NHSL1: variants seen among roughly 807,000 people sequenced by gnomAD.
The protein encoded by NHSL1 is NHS like 1.
A neutral mutation model predicts 95.0 loss-of-function variants in NHSL1; 48 were observed. That is an observed-to-expected ratio of 0.51 (90% CI 0.40 to 0.64). The LOEUF is 0.64. Ranked by LOEUF, NHSL1 falls within the 30% of genes least tolerant of loss-of-function variation. The probability of loss-of-function intolerance (pLI) is 0.00; values close to 1 mark genes in which losing one functional copy is unlikely to be tolerated. For synonymous variants in NHSL1, 783 were observed against 833.9 expected (o/e 0.94, Z 1.05); for missense variants, 1,971 against 2,077.7 (o/e 0.95, Z 1.00).
intron 1 of NHSL1, among the ~76,000 whole-genome samples, chr6:138,541,049 A>G (rs1782559164): frequency 6.6e-6 from 1 of 152,196 alleles, no homozygotes; most frequent in African/African-American, 2.4e-5. Context: ...ACAGAAGGAT[A>G]TATGTATGCA....
At chr6:138,437,361 T>TATATATATATACAC (rs1349950748) in intron 5 of NHSL1, among the ~76,000 whole-genome samples, 3 of 54,070 alleles carry the variant, frequency 5.5e-5, no homozygotes, top group Non-Finnish European at 9.4e-5. Flanking sequence ...TATATACACA[T>TATATATATATACAC]ATATATATAT....
At position 138,457,605 on chromosome 6, in the gene NHSL1, T is replaced by C. The variant is rs529515560; in HGVS notation, c.340-10412A>G. On this transcript the variant is annotated intron_variant, in intron 3 of 7. Transcript: ENST00000343505. Reference sequence around the variant, plus strand: ...TAAGAAATACCTCTTTTAAAGTCAATAATTTGTTAACTCATGCATCCCTTC... The same window carrying C: ...TAAGAAATACCTCTTTTAAAGTCAACAATTTGTTAACTCATGCATCCCTTC... 9.8e-4 allele frequency among the ~76,000 whole-genome samples: 149 copies of C among 152,304 alleles called. 3 individuals are homozygous for C. In the South Asian group the frequency reaches 0.029, roughly 30 times the overall value.
At chr6:138,463,504 C>CTT (rs61234570) in intron 3 of NHSL1, among the ~76,000 whole-genome samples, 22 of 129,362 alleles carry the variant, frequency 1.7e-4, no homozygotes, top group Admixed American at 4.6e-4. Context: ...GTGCGATGTT[C>CTT]TTTTTTTTTT....
chr6:138,537,903 C>T (rs1050622606), intron 1 of NHSL1, among the ~76,000 whole-genome samples: 5 of 151,990 alleles, frequency 3.3e-5, no homozygotes, highest in Admixed American at 6.6e-5. Flanking sequence ...TCCAGGCCGG[C>T]GAGAAGTCCA....
intron 1 of NHSL1, among the ~76,000 whole-genome samples, chr6:138,651,528 C>T (rs1785093309): frequency 6.6e-6 from 1 of 152,200 alleles, no homozygotes; most frequent in Non-Finnish European, 1.5e-5. Flanking sequence ...TAACCCTAAC[C>T]TTGTCTCCTC....
chr6:138,642,840 G>T (rs780613104), intron 1 of NHSL1, among the ~76,000 whole-genome samples: 4 of 151,972 alleles, frequency 2.6e-5, no homozygotes, highest in Admixed American at 1.3e-4. Flanking sequence ...TCGCTGGGGG[G>T]AGAAAATCAT....
At chr6:138,599,217 T>C (rs1583441944) in intron 1 of NHSL1, among the ~76,000 whole-genome samples, 1 of 152,146 alleles carries the variant, frequency 6.6e-6, no homozygotes, top group African/African-American at 2.4e-5. Context: ...CAGTACAATA[T>C]AAAAAAATGT....
upstream of NHSL1, among the ~76,000 whole-genome samples, chr6:138,503,527 A>G (rs1780798575): frequency 6.6e-6 from 1 of 152,218 alleles, no homozygotes; most frequent in Non-Finnish European, 1.5e-5. Context: ...GTAATGGAAC[A>G]CCACCACACC....
upstream of NHSL1, among the ~76,000 whole-genome samples, chr6:138,549,578 G>C (rs1271419313): frequency 2.0e-5 from 3 of 152,154 alleles, no homozygotes; most frequent in Non-Finnish European, 4.4e-5. Flanking sequence ...TTTAGAACTC[G>C]GGTTTCCTAA....
chr6:138,633,794 T>C (rs1414823096), intron 1 of NHSL1, among the ~76,000 whole-genome samples: 1 of 152,182 alleles, frequency 6.6e-6, no homozygotes, highest in Non-Finnish European at 1.5e-5. Flanking sequence ...ATTCTGACAC[T>C]GTAACTGTGG....
intron 1 of NHSL1, among the ~76,000 whole-genome samples, chr6:138,593,958 G>C (rs573329578): frequency 5.3e-5 from 8 of 152,342 alleles, no homozygotes; most frequent in African/African-American, 1.9e-4. Context: ...AAACTGTTCA[G>C]TTGTAGGTAT....
At chr6:138,682,848 C>T (rs987528317) in intron 1 of NHSL1, among the ~76,000 whole-genome samples, 4 of 152,128 alleles carry the variant, frequency 2.6e-5, no homozygotes, top group East Asian at 1.9e-4. Context: ...CCAGTGACTC[C>T]GATGATTCAG....
At position 138,666,143 on chromosome 6, in the gene NHSL1, A is replaced by G. The variant is rs555315504; in HGVS notation, c.96+26333T>C. On this transcript the variant is annotated intron_variant, in intron 1 of 3. Coordinates refer to the NHSL1 transcript ENST00000491526. ...ACATGGAGAAACCCTATCTCTATTA[A>G]AAATACAAAATTAGCCAAGTGTGGT... Among the ~76,000 whole-genome samples, 18 of 152,252 alleles carry G rather than the reference A, an allele frequency of 1.2e-4. No individual in the cohort carries two copies. In the South Asian group the frequency reaches 2.9e-3, roughly 25 times the overall value.
intron 1 of NHSL1, among the ~76,000 whole-genome samples, chr6:138,505,985 T>C (rs1201719012): frequency 1.3e-5 from 2 of 152,330 alleles, no homozygotes; most frequent in Non-Finnish European, 1.5e-5. Context: ...TTAAAATACT[T>C]CAAATACGAT....
At chr6:138,622,178 T>C (rs1784672413) in intron 1 of NHSL1, among the ~76,000 whole-genome samples, 1 of 152,148 alleles carries the variant, frequency 6.6e-6, no homozygotes, top group African/African-American at 2.4e-5. Flanking sequence ...GAGGGAATGA[T>C]ATGAAGAAGA....
intron 5 of NHSL1, among the ~76,000 whole-genome samples, chr6:138,439,925 C>G (rs1776424329): frequency 6.6e-6 from 1 of 152,114 alleles, no homozygotes; most frequent in African/African-American, 2.4e-5. Flanking sequence ...ATCTAGCTGG[C>G]CAGAACATTC....
chr6:138,464,715 C>CTTTTTTTTTTTTTTTTTTTTTTTTTT (rs1157342436), intron 3 of NHSL1, among the ~76,000 whole-genome samples: 3 of 119,024 alleles, frequency 2.5e-5, no homozygotes, highest in Non-Finnish European at 3.3e-5. Context: ...TTTTTCTTTT[C>CTTTTTTTTTTTTTTTTTTTTTTTTTT]TTTTTTTTTT....
At chr6:138,492,298 G>C (rs1299284859) in intron 2 of NHSL1, among the ~76,000 whole-genome samples, 1 of 152,180 alleles carries the variant, frequency 6.6e-6, no homozygotes, top group Non-Finnish European at 1.5e-5. Flanking sequence ...CTCTCTCCCT[G>C]TGTGTACAAT....
chr6:138,484,610 C>T (rs1451936832), intron 2 of NHSL1, among the ~76,000 whole-genome samples: 1 of 152,068 alleles, frequency 6.6e-6, no homozygotes, highest in Non-Finnish European at 1.5e-5. Flanking sequence ...TGTCTTGGGA[C>T]CAATATCTCT....
Sources: gnomAD v4.1 joint callset for allele counts (sites outside exome capture counted in the v4.1 genomes callset) on GRCh38, gnomAD v4.1.1 for gene constraint, MANE v1.5 for transcripts, NCBI Gene and HGNC (gene_info 2026-07-23, HGNC 2026-07-21) for gene names.